CTAGE1: variants seen among roughly 807,000 people sequenced by gnomAD.
The protein encoded by CTAGE1 is cTAGE family member 2.
For synonymous variants in CTAGE1, 332 were observed against 302.8 expected (o/e 1.10, Z -1.00); for missense variants, 963 against 855.9 (o/e 1.13, Z -1.56).
At position 22,417,890 on chromosome 18, in the gene CTAGE1, C is replaced by A; in HGVS notation, c.-79G>T. On this transcript the variant is annotated 5_prime_UTR_variant, in exon 1 of 1. Coordinates refer to ENST00000391403, the MANE Select transcript of CTAGE1 (RefSeq NM_172241.3). ...GGTATGGCTGAGGGTTAGCCCTAGG[C>A]TCCTCCGTAGCGCCAAGGCTGCTCT... The A allele has an allele frequency of 7.0e-7, 1 of 1,425,420 alleles. No individual in the cohort carries two copies. The allele number at this position is 1,425,420 out of a possible 1,614,324, so 88.3% of individuals were successfully genotyped here.
chr18:22,417,802 CGGG>C lies in CTAGE1; in HGVS notation c.7_9del (p.Pro3del). 4 of 1,614,194 alleles carry C rather than the reference CGGG, an allele frequency of 2.5e-6. No homozygotes were observed. Among genetic ancestry groups the C allele is most frequent in the Non-Finnish European group, 3.4e-6 (4 of 1,180,008 alleles). On this transcript the variant is annotated inframe_deletion, in exon 1 of 1. Transcript: ENST00000391403. ...CATGGAAAACCATAAGGATGAGAAT[CGGG>C]TCTCATACCTTCAGTCAGTGCTGCC...
Position 22,416,563 on chromosome 18 carries a change from A to G in CTAGE1, c.1249T>C (p.Phe417Leu). ...DLKEFEKTIHFYQKKIILHEK... is the reference protein window; with the variant it reads ...DLKEFEKTIHLYQKKIILHEK... The stretch of plus-strand genomic sequence containing the variant: ...TGGAGAATAATCTTCTTTTGATAAA[A>G]ATGAATAGTTTTCTCAAATTCTTTA... The change falls in exon 1 of 1, where the codon TTT (phenylalanine) becomes CTT (leucine). Residue 417 changes from phenylalanine to leucine, a missense_variant. Transcript: ENST00000391403. 1 of 1,610,862 alleles carries G rather than the reference A, an allele frequency of 6.2e-7. No individual in the cohort carries two copies. Among genetic ancestry groups the G allele is most frequent in the Non-Finnish European group, 8.5e-7 (1 of 1,179,404 alleles).
At position 22,415,772 on chromosome 18, in the gene CTAGE1, C is replaced by T. The variant is rs201096715; in HGVS notation, c.2040G>A (p.Pro680=). Residue 680 remains proline, a synonymous_variant, in exon 1 of 1, where the codon CCG becomes CCA. Coordinates refer to ENST00000391403, the MANE Select transcript of CTAGE1 (RefSeq NM_172241.3). ...GLLFPVDTRG[P]FIRRGPPFPP... ...GGAAAGGAGGTCCTCTTCTTATGAA[C>T]GGGCCCCTTGTATCTACTGGAAACA... is the stretch of plus-strand genomic sequence containing the variant. 1.8e-4 allele frequency: 289 copies of T among 1,613,912 alleles called. No homozygotes were observed. In the East Asian group the frequency reaches 5.1e-3, roughly 28 times the overall value.
chr18:22,414,823 A>G lies in CTAGE1; in HGVS notation c.*751T>C, dbSNP rs201905802. On this transcript the variant is annotated 3_prime_UTR_variant, in exon 1 of 1. Transcript: ENST00000391403. ...TAAAAATAAAACAAAAGAAATAACAACACAATTATGTAATGATATGATGAC... is the reference window on the plus strand; with the variant it reads ...TAAAAATAAAACAAAAGAAATAACAGCACAATTATGTAATGATATGATGAC... 1,520 of 702,232 alleles carry G rather than the reference A, an allele frequency of 2.2e-3. 2 individuals carry two copies. Among genetic ancestry groups the G allele is most frequent in the Non-Finnish European group, 3.2e-3 (1,247 of 384,976 alleles). The allele number at this position is 702,232 out of a possible 1,614,324, so 43.5% of individuals were successfully genotyped here. A position where few individuals can be genotyped will look rare whatever the true frequency, so the allele number is the denominator to read the frequency against.
Position 22,416,472 on chromosome 18 carries a change from C to T in CTAGE1, c.1340G>A (p.Arg447Lys), listed in dbSNP as rs1373966102. ...WTAERNLNDLRKENAHNRQKL... is the reference protein window; with the variant it reads ...WTAERNLNDLKKENAHNRQKL... The stretch of plus-strand genomic sequence containing the variant: ...TTGTCTGTTGTGAGCATTTTCTTTC[C>T]TTAAATCATTGAGGTTTCTTTCAGC... Residue 447 changes from arginine (R) to lysine (K), a missense_variant, in exon 1 of 1, where the codon AGG becomes AAG. Transcript: ENST00000391403. The T allele has an allele frequency of 5.6e-6, 9 of 1,613,982 alleles. No homozygotes were observed. The highest frequency in any genetic ancestry group is 7.6e-6 in the Non-Finnish European group (9 of 1,179,990).
At position 22,415,667 on chromosome 18, in the gene CTAGE1, A is replaced by C; in HGVS notation, c.2145T>G (p.Ala715=). The stretch of plus-strand genomic sequence containing the variant: ...AATAGACATTTCTCATTGCAAATGG[A>C]GCACGTGGTGGACCTGGGACATCCC... ...SPRDVPGPPR[A]PFAMRNVYLP... is the part of the protein sequence containing the mutation. Residue 715 remains alanine (A), a synonymous_variant, in exon 1 of 1, where the codon GCT becomes GCG. Coordinates refer to ENST00000391403, the MANE Select transcript of CTAGE1 (RefSeq NM_172241.3). 1 of 1,614,136 alleles carries C rather than the reference A, an allele frequency of 6.2e-7. No homozygotes were observed. The highest frequency in any genetic ancestry group is 8.5e-7 in the Non-Finnish European group (1 of 1,180,036).
Position 22,416,828 on chromosome 18 carries a change from C to G in CTAGE1, c.984G>C (p.Gln328His), listed in dbSNP as rs1187426822. The part of the protein sequence containing the change: ...EELTEHIKNL[Q>H]TEQASLQSEN... ...CTGACTGCAAAGATGCTTGTTCAGT[C>G]TGAAGATTTTTAATATGCTCTGTAA... The change falls in exon 1 of 1, where the codon CAG becomes CAC. Residue 328 changes from glutamine to histidine, a missense_variant. By Grantham distance (24) the Gln-to-His change is conservative. Transcript: ENST00000391403. 1.2e-6 allele frequency: 2 copies of G among 1,612,526 alleles called. No homozygotes were observed. Among genetic ancestry groups the G allele is most frequent in the African/African-American group, 2.7e-5 (2 of 74,868 alleles).
chr18:22,415,522 C>G lies in CTAGE1; in HGVS notation c.*52G>C. ...TCTTGCTGTCGTTCTGGATGTTCAG[C>G]AGCAGGCTCATTTGAAGTCGGACTC... On this transcript the variant is annotated 3_prime_UTR_variant, in exon 1 of 1. Coordinates refer to ENST00000391403, the MANE Select transcript of CTAGE1 (RefSeq NM_172241.3). 2 of 1,409,944 alleles carry G rather than the reference C, an allele frequency of 1.4e-6. No homozygotes were observed. The highest frequency in any genetic ancestry group is 2.7e-5 in the South Asian group (2 of 73,674). 87.3% of individuals were successfully genotyped at this position (1,409,944 alleles called of 1,614,324 possible). A position where few individuals can be genotyped will look rare whatever the true frequency, so the allele number is the denominator to read the frequency against.
At position 22,417,070 on chromosome 18, in the gene CTAGE1, C is replaced by T. The variant is rs2035024388; in HGVS notation, c.742G>A (p.Val248Ile). ...GTTACATCTTCTTCAAGCATAGCAA[C>T]CCCATCTTTCATCTTTAGCAAGCGT... is the stretch of plus-strand genomic sequence containing the variant. The part of the protein sequence containing the change: ...TERLLKMKDG[V>I]AMLEEDVTDD... The change falls in exon 1 of 1, where the codon GTT (valine) becomes ATT (isoleucine). Residue 248 changes from valine to isoleucine, a missense_variant. Val to Ile is a conservative substitution (Grantham distance 29, BLOSUM62 3). Coordinates refer to ENST00000391403, the MANE Select transcript of CTAGE1 (RefSeq NM_172241.3). 2 of 1,613,852 alleles carry T rather than the reference C, an allele frequency of 1.2e-6. No individual in the cohort carries two copies. The highest frequency in any genetic ancestry group is 1.7e-5 in the Admixed American group (1 of 60,000).
Position 22,417,769 on chromosome 18 carries a change from C to T in CTAGE1, c.43G>A (p.Val15Met). The T allele has an allele frequency of 6.2e-7, 1 of 1,614,240 alleles. No individual in the cohort carries two copies. Residue 15 changes from valine (V) to methionine (M), a missense_variant, in exon 1 of 1, where the codon GTG becomes ATG. Val to Met is a conservative substitution (Grantham distance 21, BLOSUM62 1). Coordinates refer to ENST00000391403, the MANE Select transcript of CTAGE1 (RefSeq NM_172241.3). The stretch of plus-strand genomic sequence containing the variant: ...AATCCAGCAACAGCTGCACGTATCA[C>T]CAATTCCCATGGAAAACCATAAGGA... ...SHPYGFPWEL[V>M]IRAAVAGFFA...
rs2035019883 is a variant in CTAGE1, at chr18:22,416,711, G to A, written c.1101C>T (p.Tyr367=). Residue 367 remains tyrosine (Y), a synonymous_variant, in exon 1 of 1, where the codon TAC becomes TAT. Transcript: ENST00000391403. The stretch of plus-strand genomic sequence containing the variant: ...ATTTTTCCTCTACTATTAATTTCCT[G>A]TAGAGTTTCATTTCATTTTCTTGAT... ...ELYQENEMKL[Y]RKLIVEEKCR... 3 of 1,612,802 alleles carry A rather than the reference G, an allele frequency of 1.9e-6. No homozygotes were observed. Among genetic ancestry groups the A allele is most frequent in the South Asian group, 1.1e-5 (1 of 90,584 alleles).
In CTAGE1 at chr18:22,414,940, A is replaced by G. The variant is rs2034992383; in HGVS notation, c.*634T>C. On this transcript the variant is annotated 3_prime_UTR_variant, in exon 1 of 1. Transcript: ENST00000391403. The stretch of plus-strand genomic sequence containing the variant: ...TGAGGAAAACAGAGGAAACACGAAT[A>G]CTTTCTGCTATAAATGTTTTACACT... 3.2e-6 allele frequency: 2 copies of G among 626,528 alleles called. No homozygotes were observed. The highest frequency in any genetic ancestry group is 2.8e-5 in the Admixed American group (1 of 36,196). 38.8% of individuals were successfully genotyped at this position (626,528 alleles called of 1,614,324 possible).
rs1015316077 is a variant in CTAGE1 at position 22,413,654 on chromosome 18, G to A, written c.*1920C>T. The A allele has an allele frequency of 6.6e-6, 1 of 152,060 alleles. No individual in the cohort carries two copies. The highest frequency in any genetic ancestry group is 3.4e-3 in the Middle Eastern group (1 of 294). 9.4% of individuals were successfully genotyped at this position (152,060 alleles called of 1,614,324 possible). On this transcript the variant is annotated 3_prime_UTR_variant, in exon 1 of 1. Transcript: ENST00000391403. ...TTTCAACTTTCTTTTTAGTTTATTA[G>A]GTTCATGGAAAAAAATTAGTAGTCA...
chr18:22,415,327 A>T lies in CTAGE1; in HGVS notation c.*247T>A. ...AAATAAAATGAAATAATTTACTCATAAGATTCATATTTAAATCATCCTCAT... is the reference window on the plus strand; with the variant it reads ...AAATAAAATGAAATAATTTACTCATTAGATTCATATTTAAATCATCCTCAT... On this transcript the variant is annotated 3_prime_UTR_variant, in exon 1 of 1. Coordinates refer to ENST00000391403, the MANE Select transcript of CTAGE1 (RefSeq NM_172241.3). The T allele has an allele frequency of 2.3e-6, 1 of 441,030 alleles. No homozygotes were observed. The highest frequency in any genetic ancestry group is 4.0e-6 in the Non-Finnish European group (1 of 249,938). 27.3% of individuals were successfully genotyped at this position (441,030 alleles called of 1,614,324 possible).
chr18:22,415,329 G>C lies in CTAGE1; in HGVS notation c.*245C>G. On this transcript the variant is annotated 3_prime_UTR_variant, in exon 1 of 1. Coordinates refer to ENST00000391403, the MANE Select transcript of CTAGE1 (RefSeq NM_172241.3). ...ATAAAATGAAATAATTTACTCATAA[G>C]ATTCATATTTAAATCATCCTCATTT... The C allele has an allele frequency of 2.3e-6, 1 of 444,236 alleles. No homozygotes were observed. Among genetic ancestry groups the C allele is most frequent in the East Asian group, 3.6e-5 (1 of 27,440 alleles). The allele number at this position is 444,236 out of a possible 1,614,324, so 27.5% of individuals were successfully genotyped here.
chr18:22,417,434 TTTCTC>T lies in CTAGE1; in HGVS notation c.373_377del (p.Glu125IlefsTer2). The T allele has an allele frequency of 6.2e-7, 1 of 1,613,984 alleles. No homozygotes were observed. Among genetic ancestry groups the T allele is most frequent in the Non-Finnish European group, 8.5e-7 (1 of 1,179,868 alleles). ...ATTCATTTTGTTCAGAATGTTTAGATTTCTCTTCTTTTAACTCTTTTTCTAGACAG... is the reference window on the plus strand; with the variant it reads ...ATTCATTTTGTTCAGAATGTTTAGATTTCTTTTAACTCTTTTTCTAGACAG... On this transcript the variant is annotated frameshift_variant, in exon 1 of 1. Transcript: ENST00000391403. LOFTEE classifies it low-confidence loss of function (END_TRUNC).
rs369655419 is a variant in CTAGE1 at position 22,415,666 on chromosome 18, G to C, written c.2146C>G (p.Pro716Ala). 29 of 1,614,032 alleles carry C rather than the reference G, an allele frequency of 1.8e-5. No individual in the cohort carries two copies. Among genetic ancestry groups the C allele is most frequent in the Non-Finnish European group, 2.2e-5 (26 of 1,180,036 alleles). The change falls in exon 1 of 1, where the codon CCA (proline) becomes GCA (alanine). Residue 716 changes from proline to alanine, a missense_variant. Pro to Ala is a conservative substitution (Grantham distance 27). Transcript: ENST00000391403. The part of the protein sequence containing the change: ...PRDVPGPPRA[P>A]FAMRNVYLPR... Reference sequence around the variant, plus strand: ...AAATAGACATTTCTCATTGCAAATGGAGCACGTGGTGGACCTGGGACATCC... The same window carrying C: ...AAATAGACATTTCTCATTGCAAATGCAGCACGTGGTGGACCTGGGACATCC...
chr18:22,416,628 G>T lies in CTAGE1; in HGVS notation c.1184C>A (p.Thr395Asn). 4 of 1,613,668 alleles carry T rather than the reference G, an allele frequency of 2.5e-6. No individual in the cohort carries two copies. Among genetic ancestry groups the T allele is most frequent in the South Asian group, 1.1e-5 (1 of 90,840 alleles). ...CTTTCGGTAGGTCTCCAGCTCTTCA[G>T]TGGCATGGCTGATCATTTCGTCTAC... The part of the protein sequence containing the change: ...SKVDEMISHA[T>N]EELETYRKRA... Residue 395 changes from threonine (T) to asparagine (N), a missense_variant, in exon 1 of 1, where the codon ACT (threonine) becomes AAT (asparagine). Thr to Asn is a moderately conservative substitution (Grantham distance 65). Transcript: ENST00000391403.
rs1257207710 is a variant in CTAGE1, at chr18:22,416,506, C to T, written c.1306G>A (p.Ala436Thr). ...TTGAGGTTTCTTTCAGCAGTCCAAG[C>T]TGCCGACCAATTATCATGTGCTTTT... Reference protein sequence around the residue: ...EKKAHDNWSAAWTAERNLNDL... With the variant: ...EKKAHDNWSATWTAERNLNDL... Residue 436 changes from alanine (A) to threonine (T), a missense_variant, in exon 1 of 1, where the codon GCT becomes ACT. Ala to Thr is a moderately conservative substitution (Grantham distance 58). Transcript: ENST00000391403. The T allele has an allele frequency of 4.0e-5, 64 of 1,613,950 alleles. No homozygotes were observed. Among genetic ancestry groups the T allele is most frequent in the Non-Finnish European group, 5.2e-5 (61 of 1,180,002 alleles).
Sources: allele counts gnomAD v4.1 joint callset, GRCh38; gene constraint gnomAD v4.1.1; transcripts MANE v1.5; gene names NCBI Gene and HGNC (gene_info 2026-07-23, HGNC 2026-07-21).